Variants in DCAF6 observed in about 807,000 individuals in gnomAD.
DCAF6 encodes DDB1 and CUL4 associated factor 6.
Under a neutral mutation model 125.1 loss-of-function variants are expected in DCAF6, and 54 were observed. That is an observed-to-expected ratio of 0.43 (90% CI 0.35 to 0.54). The LOEUF is 0.54. Among genes scored for constraint, DCAF6 ranks in the 20% least tolerant of loss-of-function variants. The pLI is 0.01. For missense variants in DCAF6, 934 were observed against 1,161.7 expected, an observed-to-expected ratio of 0.80 and a Z score of 2.85; for synonymous variants, 371 against 390.4, an observed-to-expected ratio of 0.95 and a Z score of 0.58.
chr1:167,937,458 A>C (rs994034104), intron 1 of DCAF6, among the ~76,000 whole-genome samples: 1 of 152,030 alleles, frequency 6.6e-6, no homozygotes, highest in Non-Finnish European at 1.5e-5. Context: ...CGACGCGTTG[A>C]CCACCCTCAG....
At chr1:168,024,220 T>TA (rs374506657) in intron 12 of DCAF6, among the ~76,000 whole-genome samples, 5,884 of 124,670 alleles carry the variant, frequency 0.047, 164 homozygotes, top group Middle Eastern at 0.072. Flanking sequence ...CCCATCTCTT[T>TA]AAAAAAAAAA....
chr1:167,909,616 A>G, the DCAF6 span, among the ~76,000 whole-genome samples: 1 of 152,166 alleles, frequency 6.6e-6, no homozygotes, highest in African/African-American at 2.4e-5. Flanking sequence ...GTGTGGCCCA[A>G]GATGATTCTT....
At chr1:168,064,168 C>G (rs1479132374) in intron 18 of DCAF6, among the ~76,000 whole-genome samples, 1 of 147,658 alleles carries the variant, frequency 6.8e-6, no homozygotes, top group Non-Finnish European at 1.5e-5. Context: ...AAGTTGATTG[C>G]AAAAAATTGT....
At chr1:167,983,607 T>TTAG (rs1679520117) in intron 4 of DCAF6, among the ~76,000 whole-genome samples, 1 of 152,226 alleles carries the variant, frequency 6.6e-6, no homozygotes, top group Admixed American at 6.5e-5. Flanking sequence ...GCCAGAGATG[T>TTAG]TAGAGTAGGG....
At chr1:167,963,881 A>G (rs1027035834) in intron 2 of DCAF6, among the ~76,000 whole-genome samples, 4 of 152,224 alleles carry the variant, frequency 2.6e-5, no homozygotes, top group Non-Finnish European at 5.9e-5. Flanking sequence ...TATTTCAAAT[A>G]ACACTATAAT....
intron 21 of DCAF6, among the ~76,000 whole-genome samples, chr1:168,073,129 T>G (rs1457568716): frequency 2.0e-5 from 3 of 151,512 alleles, no homozygotes; most frequent in African/African-American, 7.3e-5. Context: ...TGAGCCAAGA[T>G]CGCGCCACTG....
chr1:168,018,787 A>T (rs1175532202), intron 11 of DCAF6, among the ~76,000 whole-genome samples: 1 of 151,954 alleles, frequency 6.6e-6, no homozygotes, highest in Non-Finnish European at 1.5e-5. Context: ...AATTTTTTTT[A>T]ACCAAAAAGA....
chr1:167,924,529 T>A, the DCAF6 span: 2 of 1,554,494 alleles, frequency 1.3e-6, no homozygotes, highest in Non-Finnish European at 1.7e-6. Flanking sequence ...AAGAAAACTG[T>A]TCTGGGACCT....
rs745447512 is a variant in DCAF6, at chr1:168,004,545, A to C, written c.1130A>C (p.Gln377Pro). Residue 377 changes from glutamine to proline, a missense_variant, in exon 10 of 22, where the codon CAA becomes CCA. This residue lies in a region of DCAF6 where 559 missense variants were observed against 635.5 expected (regional missense o/e 0.88). Coordinates refer to ENST00000367840, the MANE Select transcript of DCAF6 (RefSeq NM_001198956.2). ...ATGTGTTTTGAAGGTGGAACAAGTC[A>C]ATCAGATATTTCAACTCTTCCTACG... ...GRSRPRGGTS[Q>P]SDISTLPTVP... is the part of the protein sequence containing the mutation. 8.7e-6 allele frequency: 14 copies of C among 1,612,864 alleles called. No homozygotes were observed. The highest frequency in any genetic ancestry group is 1.2e-5 in the Non-Finnish European group (14 of 1,179,394).
At chr1:167,880,402 C>G in the DCAF6 span, 1 of 1,082,648 alleles carries the variant, frequency 9.2e-7, no homozygotes, top group African/African-American at 1.5e-5. Flanking sequence ...TTAATTAATT[C>G]TTCTTTCTTT....
the DCAF6 span, among the ~76,000 whole-genome samples, chr1:167,919,119 C>T: frequency 1.3e-5 from 2 of 152,274 alleles, no homozygotes; most frequent in East Asian, 3.9e-4. Flanking sequence ...AAAGTAATCA[C>T]TAAAGTAAAA....
the DCAF6 span, chr1:167,902,182 A>C: frequency 2.1e-6 from 2 of 951,698 alleles, no homozygotes; most frequent in South Asian, 2.8e-5. Flanking sequence ...CTTATACTAA[A>C]GATCTCATCC....
chr1:168,063,526 G>A (rs1164461399), intron 17 of DCAF6, 95 bp from the exon 18 acceptor site: 1 of 1,083,610 alleles, frequency 9.2e-7, no homozygotes, highest in Non-Finnish European at 1.2e-6. Context: ...GTGTGTTTAT[G>A]TATTTCCTAG....
chr1:168,000,906 T>C (rs1682519726), intron 7 of DCAF6, among the ~76,000 whole-genome samples: 1 of 152,154 alleles, frequency 6.6e-6, no homozygotes, highest in South Asian at 2.1e-4. Flanking sequence ...TCTGGAATTA[T>C]ATAATGATGA....
the DCAF6 span, among the ~76,000 whole-genome samples, chr1:167,925,368 A>G: frequency 1.3e-5 from 2 of 148,892 alleles, no homozygotes; most frequent in Non-Finnish European, 3.0e-5. Context: ...GTAGAGTTGG[A>G]AGCAGTTTAT....
At chr1:167,888,893 A>AAAG in the DCAF6 span, among the ~76,000 whole-genome samples, 2 of 151,406 alleles carry the variant, frequency 1.3e-5, no homozygotes, top group Non-Finnish European at 2.9e-5. Flanking sequence ...AAAAAAAAGA[A>AAAG]AAAGAAAGAA....
chr1:167,989,728 C>G (rs553736155), intron 5 of DCAF6, among the ~76,000 whole-genome samples: 1 of 152,026 alleles, frequency 6.6e-6, no homozygotes, highest in Non-Finnish European at 1.5e-5. Flanking sequence ...ACTAAAAATA[C>G]AAAATAGCCA....
chr1:167,937,721 T>C (rs994221167), intron 1 of DCAF6, among the ~76,000 whole-genome samples: 1 of 152,112 alleles, frequency 6.6e-6, no homozygotes, highest in East Asian at 1.9e-4. Flanking sequence ...GGGAACAGTA[T>C]TCCACTTTTT....
rs572814106 is a variant in DCAF6, at chr1:167,945,457, G to A, written c.98-6343G>A. Among the ~76,000 whole-genome samples, 3 of 151,728 alleles carry A rather than the reference G, an allele frequency of 2.0e-5. No individual in the cohort carries two copies. In the South Asian group the frequency reaches 6.3e-4, roughly 32 times the overall value. ...CTCTGGTTAAATATATTCCTAGTTT[G>A]TGTGTGTGTGTATGTGTGTGTTTAT... On this transcript the variant is annotated intron_variant, in intron 1 of 21. Coordinates refer to ENST00000367840, the MANE Select transcript of DCAF6 (RefSeq NM_001198956.2).
Sources: gnomAD v4.1 joint callset for allele counts (sites outside exome capture counted in the v4.1 genomes callset) on GRCh38, gnomAD v4.1.1 for gene constraint, gnomAD v4.1.1 regional missense constraint, MANE v1.5 for transcripts, NCBI Gene and HGNC (gene_info 2026-07-23, HGNC 2026-07-21) for gene names.